SYNPR: variants seen among roughly 807,000 people sequenced by gnomAD.
SYNPR encodes the protein synaptoporin.
A neutral mutation model predicts 32.9 loss-of-function variants in SYNPR; 23 were observed. The ratio of observed to expected loss-of-function variants is 0.70; its 90% CI spans 0.50 to 0.99. The LOEUF (loss-of-function observed/expected upper bound fraction) is 0.99. Ranked by LOEUF, SYNPR falls within the 50% of genes least tolerant of loss-of-function variation. The pLI, the probability that SYNPR is intolerant of heterozygous loss-of-function variation, is 0.00. For synonymous variants in SYNPR, 146 were observed against 135.9 expected, an observed-to-expected ratio of 1.07 and a Z score of -0.52; for missense variants, 318 against 349.3, an observed-to-expected ratio of 0.91 and a Z score of 0.71.
rs73849107 is a variant in SYNPR, at chr3:63,394,264, A to G, written c.85-86568A>G. Among the ~76,000 whole-genome samples the G allele has an allele frequency of 9.7e-3, 1,476 of 152,292 alleles. 28 individuals are homozygous for G. Among genetic ancestry groups the G allele is most frequent in the African/African-American group, 0.034 (1,397 of 41,552 alleles). ...TCTTTTAATCTAACTTTCCTTGACT[A>G]TAATACATTTTTTAGTTCTATTTTC... On this transcript the variant is annotated intron_variant, in intron 2 of 5. Coordinates refer to ENST00000478300, the MANE Select transcript of SYNPR (RefSeq NM_001130003.2).
At chr3:63,209,997 A>G in the SYNPR span, among the ~76,000 whole-genome samples, 1 of 151,956 alleles carries the variant, frequency 6.6e-6, no homozygotes, top group Non-Finnish European at 1.5e-5. Flanking sequence ...GGTTTAGAAA[A>G]CCTCACAGAG....
At chr3:63,204,870 T>C in the SYNPR span, among the ~76,000 whole-genome samples, 1 of 151,996 alleles carries the variant, frequency 6.6e-6, no homozygotes, top group Admixed American at 6.6e-5. Flanking sequence ...GTATTTTTAG[T>C]AGAGATGAGG....
chr3:63,466,462 T>C lies in SYNPR; in HGVS notation c.85-14370T>C, dbSNP rs866853643. 1.2e-4 allele frequency among the ~76,000 whole-genome samples: 18 copies of C among 152,130 alleles called. No individual in the cohort carries two copies. In the Middle Eastern group the frequency reaches 0.01, roughly 86 times the overall value. ...GCACAAATTCAGGATTTGTTTTTTT[T>C]TTTCTTTTTGCTAAGAATACTTCAT... On this transcript the variant is annotated intron_variant, in intron 2 of 5. Coordinates refer to ENST00000478300, the MANE Select transcript of SYNPR (RefSeq NM_001130003.2).
intron 3 of SYNPR, among the ~76,000 whole-genome samples, chr3:63,505,887 C>A (rs1279483332): frequency 6.6e-6 from 1 of 152,032 alleles, no homozygotes; most frequent in South Asian, 2.1e-4. Context: ...TTATGAAGGG[C>A]CTTCTTTGCC....
intron 2 of SYNPR, among the ~76,000 whole-genome samples, chr3:63,349,408 T>C (rs564329876): frequency 1.3e-5 from 2 of 152,348 alleles, no homozygotes; most frequent in Non-Finnish European, 2.9e-5. Flanking sequence ...CCAACAACAT[T>C]AATTCTTTCA....
intron 2 of SYNPR, among the ~76,000 whole-genome samples, chr3:63,390,192 A>G (rs915046886): frequency 3.9e-5 from 6 of 152,204 alleles, no homozygotes; most frequent in African/African-American, 1.4e-4. Context: ...TGATAAACAA[A>G]TGTGCCTGTT....
intron 2 of SYNPR, among the ~76,000 whole-genome samples, chr3:63,424,562 T>C (rs968378584): frequency 3.9e-5 from 6 of 152,248 alleles, no homozygotes; most frequent in Non-Finnish European, 8.8e-5. Flanking sequence ...ATTGTAGTTA[T>C]TGTATTATTA....
chr3:63,404,895 A>G (rs1205575170), intron 2 of SYNPR, among the ~76,000 whole-genome samples: 1 of 152,218 alleles, frequency 6.6e-6, no homozygotes, highest in Non-Finnish European at 1.5e-5. Flanking sequence ...CTGGAATTTA[A>G]AAGTCTACAG....
chr3:63,577,151 A>C (rs558288110), intron 4 of SYNPR, among the ~76,000 whole-genome samples: 1 of 152,218 alleles, frequency 6.6e-6, no homozygotes, highest in Non-Finnish European at 1.5e-5. Flanking sequence ...TCTCAGACTC[A>C]GTTGTAAGGT....
chr3:63,613,529 G>A (rs1700231906), intron 5 of SYNPR, among the ~76,000 whole-genome samples: 1 of 147,052 alleles, frequency 6.8e-6, no homozygotes, highest in Admixed American at 7.0e-5. Flanking sequence ...TAGATCAGTT[G>A]GGGGCCTAGA....
At chr3:63,257,639 G>A (rs1025439828) in intron 2 of SYNPR, among the ~76,000 whole-genome samples, 2 of 152,132 alleles carry the variant, frequency 1.3e-5, no homozygotes, top group Admixed American at 6.6e-5. Context: ...GACCATTGAG[G>A]CTAGGAAGAA....
intron 1 of SYNPR, among the ~76,000 whole-genome samples, chr3:63,231,964 C>T (rs1386798362): frequency 6.6e-6 from 1 of 151,988 alleles, no homozygotes; most frequent in Non-Finnish European, 1.5e-5. Flanking sequence ...TTGTTTTGTC[C>T]TTACTTGAGA....
At chr3:63,304,669 A>G (rs932855670) in intron 2 of SYNPR, among the ~76,000 whole-genome samples, 8 of 152,042 alleles carry the variant, frequency 5.3e-5, no homozygotes, top group Non-Finnish European at 1.0e-4. Flanking sequence ...TGGGACTATA[A>G]GTACCATAAT....
chr3:63,355,502 C>G lies in SYNPR; in HGVS notation c.84+76760C>G, dbSNP rs147657273. Among the ~76,000 whole-genome samples, 19 of 152,284 alleles carry G rather than the reference C, an allele frequency of 1.2e-4. No individual in the cohort carries two copies. In the East Asian group the frequency reaches 3.7e-3, roughly 29 times the overall value. ...TCATGGTCCTACTTCACATTTCACACTCACCAGCCAGAGTTATCCTTTGAA... is the reference window on the plus strand; with the variant it reads ...TCATGGTCCTACTTCACATTTCACAGTCACCAGCCAGAGTTATCCTTTGAA... On this transcript the variant is annotated intron_variant, in intron 2 of 5. Transcript: ENST00000478300.
intron 2 of SYNPR, among the ~76,000 whole-genome samples, chr3:63,387,766 T>C (rs533371526): frequency 1.3e-5 from 2 of 152,144 alleles, no homozygotes; most frequent in East Asian, 1.9e-4. Context: ...TTGAGGGTAT[T>C]TGGAATTTGA....
intron 2 of SYNPR, among the ~76,000 whole-genome samples, chr3:63,473,393 T>C (rs1165635805): frequency 6.6e-6 from 1 of 152,148 alleles, no homozygotes; most frequent in African/African-American, 2.4e-5. Flanking sequence ...TATTGATTGA[T>C]TGATTGATTG....
chr3:63,534,727 C>T lies in SYNPR; in HGVS notation c.210-21816C>T, dbSNP rs568745588. On this transcript the variant is annotated intron_variant, in intron 3 of 5. Transcript: ENST00000478300. ...AAGGGCTTCAGGCTGCTCCAGCTCA[C>T]GGTTGAAAGCAGAAGGGGACCACTG... 3.9e-5 allele frequency among the ~76,000 whole-genome samples: 6 copies of T among 152,202 alleles called. No homozygotes were observed. In the East Asian group the frequency reaches 5.8e-4, roughly 15 times the overall value.
chr3:63,591,492 A>G (rs1436817821), intron 4 of SYNPR, among the ~76,000 whole-genome samples: 1 of 116,464 alleles, frequency 8.6e-6, no homozygotes, highest in African/African-American at 3.5e-5. Flanking sequence ...TGCTGCTATA[A>G]AGACACATGC....
chr3:63,443,058 T>A (rs1700209640), intron 2 of SYNPR: 1 of 1,011,286 alleles, frequency 9.9e-7, no homozygotes, highest in Admixed American at 5.5e-5. Flanking sequence ...CCTCTGTTGG[T>A]GATGCAGCCT....
Sources: allele counts gnomAD v4.1 joint callset (sites outside exome capture counted in the v4.1 genomes callset), GRCh38; gene constraint gnomAD v4.1.1; transcripts MANE v1.5; gene names NCBI Gene and HGNC (gene_info 2026-07-23, HGNC 2026-07-21).